Variants in EML2 observed in about 807,000 individuals in gnomAD.
EML2 encodes echinoderm microtubule-associated protein-like 2.
Under a neutral mutation model 84.7 loss-of-function variants are expected in EML2, and 59 were observed. The ratio of observed to expected loss-of-function variants is 0.70; its 90% CI spans 0.56 to 0.86. EML2 has a LOEUF of 0.86. EML2 is among the 40% of genes least tolerant of loss of function. The pLI is 0.00. For synonymous variants in EML2, 352 were observed against 348.9 expected (o/e 1.01, Z -0.10); for missense variants, 818 against 855.6 (o/e 0.96, Z 0.55).
At chr19:45,643,809 C>G (rs1398460414), upstream of EML2, 6 of 1,443,478 alleles carry the variant, frequency 4.2e-6, no homozygotes, top group African/African-American at 2.8e-5. Context: ...CTCAGCGCCT[C>G]CCAGGTCCGG....
At chr19:45,616,003 A>AG (rs976162737) in intron 15 of EML2, 114 bp from the exon 16 acceptor site, 4 of 758,934 alleles carry the variant, frequency 5.3e-6, no homozygotes, top group Non-Finnish European at 9.2e-6. Context: ...CGAGAACACA[A>AG]GGGGACTAAA....
At position 45,611,478 on chromosome 19, in the gene EML2, ATTC is replaced by A. The variant is rs36012138; in HGVS notation, c.1825-1693_1825-1691del. Among the ~76,000 whole-genome samples, 565 of 110,142 alleles carry A rather than the reference ATTC, an allele frequency of 5.1e-3. 15 individuals carry two copies. In the East Asian group the frequency reaches 0.1, roughly 20 times the overall value. The allele number at this position is 110,142 out of a possible 152,430, so 72.3% of individuals were successfully genotyped here. A position where few individuals can be genotyped will look rare whatever the true frequency, so the allele number is the denominator to read the frequency against. The stretch of plus-strand genomic sequence containing the variant: ...GTCAGAGGCTTGTGGATATGTAACA[ATTC>A]TTCTTCTTCTTCTTCTTCTTTTGAG... On this transcript the variant is annotated intron_variant, in intron 18 of 18. Transcript: ENST00000245925.
upstream of EML2, chr19:45,645,373 C>T (rs756595694): frequency 2.2e-5 from 33 of 1,523,618 alleles, no homozygotes; most frequent in Non-Finnish European, 2.6e-5. Flanking sequence ...CCCCCCCGGT[C>T]CCAGCCCGGG....
intron 6 of EML2, among the ~76,000 whole-genome samples, chr19:45,631,031 G>C (rs57724625): frequency 0.21 from 31,449 of 151,968 alleles, 3,523 homozygotes; most frequent in East Asian, 0.3. Flanking sequence ...ATTTTTAGTA[G>C]AGACAGGGTT....
intron 15 of EML2, 122 bp downstream of exon 15, chr19:45,616,339 T>G (rs1208924776): frequency 2.8e-6 from 2 of 724,122 alleles, no homozygotes; most frequent in African/African-American, 1.8e-5. Flanking sequence ...CAAGACTCCT[T>G]GCTCTGATCA....
rs2122567735 is a variant in EML2, at chr19:45,609,489, G to A, written c.*174C>T. The A allele has an allele frequency of 3.0e-6, 2 of 675,318 alleles. No homozygotes were observed. The highest frequency in any genetic ancestry group is 4.4e-6 in the Non-Finnish European group (2 of 457,814). 41.8% of individuals were successfully genotyped at this position (675,318 alleles called of 1,614,324 possible). Reference sequence around the variant, plus strand: ...AACACCAATGGATCCCCAAAGCGATGTGACTCCCTCTTCCCACCCGGATAA... The same window carrying A: ...AACACCAATGGATCCCCAAAGCGATATGACTCCCTCTTCCCACCCGGATAA... On this transcript the variant is annotated 3_prime_UTR_variant, in exon 19 of 19. Coordinates refer to ENST00000245925, the MANE Select transcript of EML2 (RefSeq NM_012155.4).
At chr19:45,635,140 C>A (rs377615569) in intron 3 of EML2, among the ~76,000 whole-genome samples, 1 of 151,992 alleles carries the variant, frequency 6.6e-6, no homozygotes, top group African/African-American at 2.4e-5. Context: ...TGAGCCACCA[C>A]GCGCGGCCTG....
chr19:45,630,347 T>C (rs111953349), intron 6 of EML2, among the ~76,000 whole-genome samples: 7,112 of 147,776 alleles, frequency 0.048, 578 homozygotes, highest in African/African-American at 0.17. Flanking sequence ...AGGTCAGGAG[T>C]TCGAGGCCAG....
At position 45,624,660 on chromosome 19, in the gene EML2, A is replaced by T; in HGVS notation, c.841+59T>A. 4 of 1,301,594 alleles carry T rather than the reference A, an allele frequency of 3.1e-6. 1 individual carries two copies. The South Asian group carries it at 4.9e-5, about 16-fold the overall frequency. The allele number at this position is 1,301,594 out of a possible 1,614,324, so 80.6% of individuals were successfully genotyped here. A position where few individuals can be genotyped will look rare whatever the true frequency, so the allele number is the denominator to read the frequency against. On this transcript the variant is annotated intron_variant, in intron 9 of 18. Coordinates refer to ENST00000245925, the MANE Select transcript of EML2 (RefSeq NM_012155.4). ...CAAGCAGAATTCCACGAAGGGAGGCAGAGCCAGGAGTGTTTCAGAAGACTG... is the reference window on the plus strand; with the variant it reads ...CAAGCAGAATTCCACGAAGGGAGGCTGAGCCAGGAGTGTTTCAGAAGACTG...
upstream of EML2, chr19:45,643,445 T>C: frequency 1.0e-6 from 1 of 983,630 alleles, no homozygotes; most frequent in Non-Finnish European, 1.5e-6. Flanking sequence ...GCGCCCCAGA[T>C]TTGGCTCTCC....
chr19:45,641,772 G>C, upstream of EML2: 3 of 1,535,348 alleles, frequency 2.0e-6, no homozygotes, highest in Non-Finnish European at 2.6e-6. Context: ...CACAGGTGGG[G>C]GCAGAGCCTT....
chr19:45,633,716 C>T (rs1973357172), intron 4 of EML2, among the ~76,000 whole-genome samples: 1 of 151,554 alleles, frequency 6.6e-6, no homozygotes, highest in Non-Finnish European at 1.5e-5. Context: ...CCAGCCTAGG[C>T]GACAGAGTGA....
At chr19:45,624,471 AC>A (rs1238313709) in intron 9 of EML2, among the ~76,000 whole-genome samples, 1 of 151,998 alleles carries the variant, frequency 6.6e-6, no homozygotes, top group Admixed American at 6.6e-5. Context: ...TCTAAACACA[AC>A]TGAGCTAACC....
In EML2 at chr19:45,609,777, G is replaced by A. The variant is rs773023936; in HGVS notation, c.1836C>T (p.His612=). The A allele has an allele frequency of 6.2e-7, 1 of 1,612,350 alleles. No individual in the cohort carries two copies. The highest frequency in any genetic ancestry group is 8.5e-7 in the Non-Finnish European group (1 of 1,179,362). Residue 612 remains histidine, a synonymous_variant, in exon 19 of 19, where the codon CAC becomes CAT. Coordinates refer to ENST00000245925, the MANE Select transcript of EML2 (RefSeq NM_012155.4). ...YPCCQPRALS[H]KYGGHSSHVT... ...CATGGCTGCTGTGTCCACCGTACTT[G>A]TGGCTGAGGGCCTGTTACAAGGAAA...
chr19:45,639,606 T>G (rs1027509341), upstream of EML2, among the ~76,000 whole-genome samples: 2 of 152,114 alleles, frequency 1.3e-5, no homozygotes, highest in Admixed American at 6.5e-5. Flanking sequence ...GGAGCGCGCC[T>G]GCTTGAGTTA....
rs780915414 is a variant in EML2, at chr19:45,621,297, T to C, written c.1032A>G (p.Ala344=). The part of the protein sequence containing the change: ...PEDFGPVRTV[A]EGHGDTLYVG... ...CGTACAGTGTGTCTCCGTGGCCCTC[T>C]GCCACGGTGCGCACAGGGCCAAAGT... Residue 344 remains alanine (A), a synonymous_variant, in exon 11 of 19, where the codon GCA becomes GCG. Coordinates refer to ENST00000245925, the MANE Select transcript of EML2 (RefSeq NM_012155.4). 3.1e-6 allele frequency: 5 copies of C among 1,612,162 alleles called. No individual in the cohort carries two copies. Among genetic ancestry groups the C allele is most frequent in the Non-Finnish European group, 4.2e-6 (5 of 1,178,754 alleles).
Position 45,639,342 on chromosome 19 carries a change from G to T in EML2, c.20+15C>A. 7.5e-7 allele frequency: 1 copy of T among 1,333,470 alleles called. No homozygotes were observed. The allele number at this position is 1,333,470 out of a possible 1,614,324, so 82.6% of individuals were successfully genotyped here. A position where few individuals can be genotyped will look rare whatever the true frequency, so the allele number is the denominator to read the frequency against. On this transcript the variant is annotated intron_variant, in intron 1 of 18. Coordinates refer to ENST00000245925, the MANE Select transcript of EML2 (RefSeq NM_012155.4). ...GCGGAGAGGAGATGGGGGGTGGTCT[G>T]CGAAAGGGTCTCACCCAGCTCCAAA...
upstream of EML2, chr19:45,641,692 G>T: frequency 6.5e-7 from 1 of 1,536,166 alleles, no homozygotes; most frequent in Non-Finnish European, 8.7e-7. Context: ...CCGGCTGCGG[G>T]GGTCCTCACG....
chr19:45,645,292 C>G (rs1291435978), upstream of EML2: 2 of 1,533,526 alleles, frequency 1.3e-6, no homozygotes, highest in African/African-American at 1.4e-5. Context: ...ATCGCAGCAG[C>G]GAGGACGTGT....
Sources: allele counts gnomAD v4.1 joint callset (sites outside exome capture counted in the v4.1 genomes callset), GRCh38; gene constraint gnomAD v4.1.1; transcripts MANE v1.5; gene names NCBI Gene and HGNC (gene_info 2026-07-23, HGNC 2026-07-21).